The following TRIM67 variants were observed in gnomAD, a reference collection of about 807,000 sequenced individuals.
TRIM67 encodes tripartite motif containing 67.
In TRIM67, 39 loss-of-function variants were observed where a neutral mutation model predicts 71.0. That is an observed-to-expected ratio of 0.55 (90% CI 0.43 to 0.72). TRIM67 has a LOEUF of 0.72. TRIM67 is among the 30% of genes least tolerant of loss of function. The probability of loss-of-function intolerance (pLI) is 0.00; values close to 1 mark genes in which losing one functional copy is unlikely to be tolerated. For synonymous variants in TRIM67, 481 were observed against 473.9 expected (o/e 1.01, Z -0.19); for missense variants, 973 against 1,079.2 (o/e 0.90, Z 1.38).
chr1:231,218,605 C>T lies in TRIM67; in HGVS notation c.*3165C>T. On this transcript the variant is annotated 3_prime_UTR_variant, in exon 10 of 10. Transcript: ENST00000366653. ...GCCTGCTTTTCCTCTCTCTGTTCTC[C>T]TTGGGAAAATAATGATTCCAATTAA... 1.0e-6 allele frequency: 1 copy of T among 985,452 alleles called. No individual in the cohort carries two copies. The highest frequency in any genetic ancestry group is 5.2e-4 in the Middle Eastern group (1 of 1,914). 61.0% of individuals were successfully genotyped at this position (985,452 alleles called of 1,614,324 possible).
At chr1:231,164,116 G>C in intron 1 of TRIM67, 103 bp downstream of exon 1, 3 of 1,326,498 alleles carry the variant, frequency 2.3e-6, no homozygotes, top group Non-Finnish European at 2.9e-6. Context: ...CGGTCAGAGG[G>C]TCAGGCAGGA....
Position 231,167,512 on chromosome 1 carries a change from C to T in TRIM67, c.1044+3499C>T, listed in dbSNP as rs191910681. Among the ~76,000 whole-genome samples the T allele has an allele frequency of 4.1e-3, 521 of 126,908 alleles. 80 individuals are homozygous for T. The highest frequency in any genetic ancestry group is 0.018 in the African/African-American group (493 of 26,958). The allele number at this position is 126,908 out of a possible 152,430, so 83.3% of individuals were successfully genotyped here. On this transcript the variant is annotated intron_variant, in intron 1 of 9. Transcript: ENST00000366653. Reference sequence around the variant, plus strand: ...TAATTTTTTGTATTTTTAGTAGAGACGGGGTTTCACCGTTTTAGCCGGGAT... The same window carrying T: ...TAATTTTTTGTATTTTTAGTAGAGATGGGGTTTCACCGTTTTAGCCGGGAT...
chr1:231,182,982 T>A (rs915138538), intron 1 of TRIM67, among the ~76,000 whole-genome samples: 2 of 152,196 alleles, frequency 1.3e-5, no homozygotes, highest in African/African-American at 2.4e-5. Flanking sequence ...CTCTGACATA[T>A]CAATCCTGGC....
At chr1:231,211,033 T>A (rs7541795) in intron 8 of TRIM67, among the ~76,000 whole-genome samples, 16,479 of 122,862 alleles carry the variant, frequency 0.13, 1,031 homozygotes, top group African/African-American at 0.2. Context: ...AAAAAAAAAA[T>A]ATATATATAT....
At chr1:231,168,268 C>T (rs1264508201) in intron 1 of TRIM67, among the ~76,000 whole-genome samples, 1 of 152,242 alleles carries the variant, frequency 6.6e-6, no homozygotes, top group African/African-American at 2.4e-5. Flanking sequence ...GCGACTGCAC[C>T]TGACCAACGT....
Position 231,220,329 on chromosome 1 carries a change from G to C in TRIM67, c.*4889G>C, listed in dbSNP as rs1043337246. 1 of 199,596 alleles carries C rather than the reference G, an allele frequency of 5.0e-6. No homozygotes were observed. The highest frequency in any genetic ancestry group is 5.4e-5 in the Admixed American group (1 of 18,366). 12.4% of individuals were successfully genotyped at this position (199,596 alleles called of 1,614,324 possible). A position where few individuals can be genotyped will look rare whatever the true frequency, so the allele number is the denominator to read the frequency against. ...TATGTTTCCATTCCCGGCGAGGCCT[G>C]TTTGAATGGCGCTCTGTGTGAGTGC... On this transcript the variant is annotated 3_prime_UTR_variant, in exon 10 of 10. Transcript: ENST00000366653.
chr1:231,180,565 C>T (rs887537961), intron 1 of TRIM67, among the ~76,000 whole-genome samples: 2 of 152,056 alleles, frequency 1.3e-5, no homozygotes, highest in Non-Finnish European at 2.9e-5. Flanking sequence ...AAATCTATTG[C>T]ATTGAAGATG....
chr1:231,166,688 G>A (rs1480877036), intron 1 of TRIM67, among the ~76,000 whole-genome samples: 1 of 152,184 alleles, frequency 6.6e-6, no homozygotes, highest in African/African-American at 2.4e-5. Flanking sequence ...TTTCTCTGGT[G>A]TTACTGCAGC....
intron 1 of TRIM67, among the ~76,000 whole-genome samples, chr1:231,186,971 G>T (rs186403150): frequency 6.2e-4 from 95 of 152,170 alleles, no homozygotes; most frequent in African/African-American, 1.9e-3. Flanking sequence ...CACATCCCAC[G>T]ACATCCACGG....
chr1:231,201,096 G>A (rs1558303391), intron 4 of TRIM67, among the ~76,000 whole-genome samples: 1 of 152,202 alleles, frequency 6.6e-6, no homozygotes, highest in African/African-American at 2.4e-5. Flanking sequence ...TCTCAGTAGT[G>A]TTTGCGGCAA....
At chr1:231,205,627 G>A (rs1176496447) in intron 6 of TRIM67, among the ~76,000 whole-genome samples, 3 of 151,568 alleles carry the variant, frequency 2.0e-5, no homozygotes, top group Non-Finnish European at 2.9e-5. Context: ...TCTGGAGGCT[G>A]AGGCACAAGG....
chr1:231,186,160 GCT>G, intron 1 of TRIM67: 1 of 1,533,270 alleles, frequency 6.5e-7, no homozygotes, highest in South Asian at 1.2e-5. Flanking sequence ...AGGCTGAGGC[GCT>G]CCCTCTTTGT....
At chr1:231,184,938 TGAAGCCCAGCTC>T in intron 1 of TRIM67, 1 of 1,353,742 alleles carries the variant, frequency 7.4e-7, no homozygotes, top group Non-Finnish European at 1.0e-6. Context: ...GGCCCAACCC[TGAAGCCCAGCTC>T]TAAGGGTTGC....
chr1:231,169,119 G>A (rs916699035), intron 1 of TRIM67, among the ~76,000 whole-genome samples: 3 of 152,120 alleles, frequency 2.0e-5, no homozygotes, highest in Non-Finnish European at 2.9e-5. Context: ...GTGCAATGGC[G>A]CTACTCAGCT....
At chr1:231,190,633 C>T (rs1464047034) in intron 1 of TRIM67, among the ~76,000 whole-genome samples, 2 of 152,164 alleles carry the variant, frequency 1.3e-5, no homozygotes, top group Non-Finnish European at 1.5e-5. Flanking sequence ...CCTAAGTGGA[C>T]ATCTACCCAG....
intron 1 of TRIM67, among the ~76,000 whole-genome samples, chr1:231,174,152 C>CTTTTTT (rs35651112): frequency 2.3e-4 from 29 of 127,346 alleles, no homozygotes; most frequent in Non-Finnish European, 2.6e-4. Flanking sequence ...GTCTTATTTT[C>CTTTTTT]TTTTTTTTTT....
chr1:231,181,227 G>C (rs1682897907), intron 1 of TRIM67, among the ~76,000 whole-genome samples: 1 of 152,320 alleles, frequency 6.6e-6, no homozygotes, highest in South Asian at 2.1e-4. Flanking sequence ...GCCTCCCAAA[G>C]TGCTGGGATT....
chr1:231,170,950 A>G (rs1286870652), intron 1 of TRIM67, among the ~76,000 whole-genome samples: 3 of 152,226 alleles, frequency 2.0e-5, no homozygotes, highest in Admixed American at 2.0e-4. Flanking sequence ...TCAACCTGGG[A>G]GCTCACTGAA....
At chr1:231,174,345 T>C (rs1217282575) in intron 1 of TRIM67, among the ~76,000 whole-genome samples, 1 of 151,770 alleles carries the variant, frequency 6.6e-6, no homozygotes, top group Admixed American at 6.6e-5. Context: ...TTTTTTTTTT[T>C]TTTGTAGAGG....
Sources: gnomAD v4.1 joint callset for allele counts (sites outside exome capture counted in the v4.1 genomes callset) on GRCh38, gnomAD v4.1.1 for gene constraint, MANE v1.5 for transcripts, NCBI Gene and HGNC (gene_info 2026-07-23, HGNC 2026-07-21) for gene names.